USP32: variants seen among roughly 807,000 people sequenced by gnomAD.
The protein encoded by USP32 is ubiquitin specific peptidase 32.
In USP32, 59 loss-of-function variants were observed where a neutral mutation model predicts 204.8. The observed-to-expected ratio is 0.29, with a 90% CI of 0.23 to 0.36. The LOEUF (loss-of-function observed/expected upper bound fraction) is 0.36. Among genes scored for constraint, USP32 ranks in the 10% least tolerant of loss-of-function variants. The pLI is 1.00. For missense variants in USP32, 1,160 were observed against 1,946.4 expected (o/e 0.60, Z 7.60); for synonymous variants, 517 against 678.4 (o/e 0.76, Z 3.70).
At chr17:60,288,417 G>C in intron 5 of USP32, 106 bp downstream of exon 5, 3 of 1,342,216 alleles carry the variant, frequency 2.2e-6, no homozygotes, top group Non-Finnish European at 3.0e-6. Flanking sequence ...TCCAGCCTGG[G>C]ACAGAATTTA....
intron 3 of USP32, among the ~76,000 whole-genome samples, chr17:60,297,488 G>A (rs546195463): frequency 2.0e-5 from 3 of 148,412 alleles, no homozygotes; most frequent in South Asian, 4.3e-4. Flanking sequence ...TTGCCCTGTC[G>A]CCCAGGTTGG....
At chr17:60,271,193 CTA>C (rs1165228774) in intron 6 of USP32, among the ~76,000 whole-genome samples, 155 bp downstream of exon 6, 3 of 152,232 alleles carry the variant, frequency 2.0e-5, no homozygotes, top group Non-Finnish European at 4.4e-5. Context: ...AGGCTCAAGA[CTA>C]TAATAATAAT....
chr17:60,322,605 G>A (rs561071450), intron 2 of USP32, among the ~76,000 whole-genome samples: 3 of 152,016 alleles, frequency 2.0e-5, no homozygotes, highest in Non-Finnish European at 2.9e-5. Context: ...TAGAAAACAC[G>A]AAAATTAACT....
At chr17:60,364,939 TG>T (rs1320815970) in intron 1 of USP32, among the ~76,000 whole-genome samples, 2 of 152,224 alleles carry the variant, frequency 1.3e-5, no homozygotes, top group African/African-American at 2.4e-5. Flanking sequence ...AATAACAACA[TG>T]GATTTACATC....
chr17:60,396,769 G>A (rs2089903793), upstream of USP32, among the ~76,000 whole-genome samples: 1 of 152,122 alleles, frequency 6.6e-6, no homozygotes, highest in South Asian at 2.1e-4. Flanking sequence ...ATCTACCTTG[G>A]AGGTTCTCTT....
At chr17:60,187,154 C>T (rs1384827786) in intron 29 of USP32, among the ~76,000 whole-genome samples, 9 of 152,170 alleles carry the variant, frequency 5.9e-5, no homozygotes, top group Admixed American at 3.9e-4. Flanking sequence ...CAGCTCAAGA[C>T]ATTCAGTTTA....
At position 60,294,736 on chromosome 17, in the gene USP32, G is replaced by A. The variant is rs200044629; in HGVS notation, c.358C>T (p.Leu120Phe). 5 of 1,612,958 alleles carry A rather than the reference G, an allele frequency of 3.1e-6. No homozygotes were observed. The highest frequency in any genetic ancestry group is 1.3e-5 in the African/African-American group (1 of 74,978). Residue 120 changes from leucine to phenylalanine, a missense_variant, in exon 4 of 34, where the codon CTC becomes TTC. Transcript: ENST00000300896. ...YVIREEMERMLHVVDGKVPDT... is the reference protein window; with the variant it reads ...YVIREEMERMFHVVDGKVPDT... ...GGGACTTTACCATCCACCACGTGGA[G>A]CATTCTTTCCATTTCTTCCCGTATA...
At chr17:60,248,876 C>A (rs1220102511) in intron 11 of USP32, among the ~76,000 whole-genome samples, 6 of 152,036 alleles carry the variant, frequency 3.9e-5, no homozygotes, top group Non-Finnish European at 8.8e-5. Context: ...CTGTTTTATT[C>A]CATGTCTCAT....
At chr17:60,211,603 A>G (rs2084969657) in intron 19 of USP32, 89 bp from the exon 20 acceptor site, 3 of 1,500,780 alleles carry the variant, frequency 2.0e-6, no homozygotes, top group Non-Finnish European at 2.7e-6. Flanking sequence ...AAGGTTTTTT[A>G]TAACTCTCAT....
At chr17:60,234,030 G>A (rs550324512) in intron 12 of USP32, among the ~76,000 whole-genome samples, 65 of 152,058 alleles carry the variant, frequency 4.3e-4, no homozygotes, top group African/African-American at 1.5e-3. Flanking sequence ...GCTCACTGCA[G>A]TCTTGACCTA....
At position 60,183,226 on chromosome 17, in the gene USP32, C is replaced by T. The variant is rs1398707796; in HGVS notation, c.4062G>A (p.Glu1354=). The T allele has an allele frequency of 1.9e-6, 3 of 1,613,884 alleles. No individual in the cohort carries two copies. The highest frequency in any genetic ancestry group is 1.3e-5 in the African/African-American group (1 of 74,938). The change falls in exon 31 of 34, where the codon GAG becomes GAA. Residue 1354 remains glutamate (E), a synonymous_variant. Transcript: ENST00000300896. The part of the protein sequence containing the change: ...KVDAQSSAGE[E]DVLLSKSPSS... ...ATGGGCTTTTGCTCAGGAGCACGTCCTCTTCCCCAGCCGAACTCTGCGCAT... is the reference window on the plus strand; with the variant it reads ...ATGGGCTTTTGCTCAGGAGCACGTCTTCTTCCCCAGCCGAACTCTGCGCAT...
intron 2 of USP32, among the ~76,000 whole-genome samples, chr17:60,336,715 C>CAAAAAAAAAAA (rs573590957): frequency 1.4e-5 from 1 of 71,610 alleles, no homozygotes. Context: ...GACTCCATCT[C>CAAAAAAAAAAA]AAAAAAAAAA....
intron 3 of USP32, among the ~76,000 whole-genome samples, chr17:60,296,033 C>G (rs1386781290): frequency 6.6e-6 from 1 of 152,094 alleles, no homozygotes. Flanking sequence ...TCACCAAATT[C>G]ATGAAAGTGG....
intron 1 of USP32, among the ~76,000 whole-genome samples, chr17:60,347,483 A>C (rs1227216508): frequency 6.6e-6 from 1 of 151,086 alleles, no homozygotes; most frequent in African/African-American, 2.4e-5. Context: ...CCTCCCGAGT[A>C]GCTGGGACTA....
chr17:60,204,956 C>CTT (rs34428660), intron 26 of USP32, among the ~76,000 whole-genome samples: 9 of 135,256 alleles, frequency 6.7e-5, no homozygotes, highest in Admixed American at 1.5e-4. Context: ...AAAAAGAAGT[C>CTT]TTTTTTTTTT....
intron 27 of USP32, among the ~76,000 whole-genome samples, chr17:60,197,103 C>T (rs2084540124): frequency 6.6e-6 from 1 of 151,682 alleles, no homozygotes; most frequent in African/African-American, 2.4e-5. Context: ...ATCACTTGAA[C>T]CTGGAGGTGG....
In USP32 at chr17:60,321,081, G is replaced by A. The variant is rs140458697; in HGVS notation, c.187-19377C>T. 9.0e-3 allele frequency among the ~76,000 whole-genome samples: 1,370 copies of A among 152,226 alleles called. 27 individuals carry two copies. The highest frequency in any genetic ancestry group is 0.03 in the African/African-American group (1,261 of 41,522). ...CTCTCTAACCAGAGGACTGAAAATC[G>A]GAGATCCAGGGAAATAGAAAGTAAA... is the stretch of plus-strand genomic sequence containing the variant. On this transcript the variant is annotated intron_variant, in intron 2 of 33. Transcript: ENST00000300896.
Position 60,199,838 on chromosome 17 carries a change from G to A in USP32, c.3250-1394C>T, listed in dbSNP as rs1264454155. ...TTAAGGAACTTCTCCTAGTGCCCTAGGGCCCATACTTTCTCAGTTACTACT... is the reference window on the plus strand; with the variant it reads ...TTAAGGAACTTCTCCTAGTGCCCTAAGGCCCATACTTTCTCAGTTACTACT... On this transcript the variant is annotated intron_variant, in intron 26 of 33. Coordinates refer to ENST00000300896, the MANE Select transcript of USP32 (RefSeq NM_032582.4). Among the ~76,000 whole-genome samples the A allele has an allele frequency of 3.3e-5, 5 of 152,230 alleles. No individual in the cohort carries two copies. In the South Asian group the frequency reaches 8.3e-4, roughly 25 times the overall value.
chr17:60,418,932 C>T (rs984254738), intron 1 of USP32, among the ~76,000 whole-genome samples: 1 of 152,136 alleles, frequency 6.6e-6, no homozygotes, highest in Non-Finnish European at 1.5e-5. Context: ...TAAATTAGTT[C>T]AACCATAGCG....
Sources: allele counts gnomAD v4.1 joint callset (sites outside exome capture counted in the v4.1 genomes callset), GRCh38; gene constraint gnomAD v4.1.1; transcripts MANE v1.5; gene names NCBI Gene and HGNC (gene_info 2026-07-23, HGNC 2026-07-21).